GPHN: variants seen among roughly 807,000 people sequenced by gnomAD.
GPHN encodes the protein gephyrin.
Under a neutral mutation model 95.5 loss-of-function variants are expected in GPHN, and 17 were observed. That is an observed-to-expected ratio of 0.18 (90% CI 0.12 to 0.27). The LOEUF (loss-of-function observed/expected upper bound fraction) is 0.27. Among genes scored for constraint, GPHN ranks in the 10% least tolerant of loss-of-function variants. GPHN has a pLI of 1.00. For synonymous variants in GPHN, 320 were observed against 322.5 expected (o/e 0.99, Z 0.08); for missense variants, 660 against 978.1 (o/e 0.67, Z 4.34).
At chr14:66,850,528 A>G (rs1307082614) in intron 4 of GPHN, among the ~76,000 whole-genome samples, 3 of 152,112 alleles carry the variant, frequency 2.0e-5, no homozygotes, top group Admixed American at 6.6e-5. Flanking sequence ...CATGGAAACT[A>G]TATGTATAAA....
At chr14:66,909,824 A>G (rs1268443699) in intron 5 of GPHN, among the ~76,000 whole-genome samples, 2 of 151,996 alleles carry the variant, frequency 1.3e-5, no homozygotes, top group African/African-American at 4.8e-5. Context: ...TCCCATGATT[A>G]CTACATGGGA....
the GPHN span, among the ~76,000 whole-genome samples, chr14:67,700,714 CAAA>C: frequency 3.0e-5 from 3 of 101,100 alleles, no homozygotes; most frequent in Non-Finnish European, 6.0e-5. Context: ...GACTCCATCT[CAAA>C]AAAAAAAAAA....
intron 11 of GPHN, among the ~76,000 whole-genome samples, chr14:67,060,202 T>TAA (rs144651116): frequency 8.8e-5 from 12 of 136,092 alleles, no homozygotes; most frequent in Middle Eastern, 3.7e-3. Flanking sequence ...CATTCTAATT[T>TAA]AAAAAAAAAA....
chr14:66,737,439 C>T (rs2072395681), intron 2 of GPHN, among the ~76,000 whole-genome samples: 2 of 151,532 alleles, frequency 1.3e-5, no homozygotes, highest in African/African-American at 4.8e-5. Flanking sequence ...GCCCCTTTTT[C>T]TTTTTTTTTC....
the GPHN span, among the ~76,000 whole-genome samples, chr14:67,629,505 T>C: frequency 6.6e-6 from 1 of 152,176 alleles, no homozygotes; most frequent in Non-Finnish European, 1.5e-5. Flanking sequence ...CAAAGTGGAA[T>C]ATCAGTTACT....
chr14:66,897,881 T>C (rs76821044), intron 5 of GPHN, among the ~76,000 whole-genome samples: 1,829 of 152,200 alleles, frequency 0.012, 19 homozygotes, highest in Non-Finnish European at 0.018. Context: ...CATTTTACAA[T>C]CACACCAACA....
At chr14:67,180,648 G>A (rs2083277983) in intron 22 of GPHN, among the ~76,000 whole-genome samples, 156 bp from the exon 23 acceptor site, 1 of 152,110 alleles carries the variant, frequency 6.6e-6, no homozygotes, top group Non-Finnish European at 1.5e-5. Flanking sequence ...GGATATAATA[G>A]CATGGCCACC....
intron 16 of GPHN, among the ~76,000 whole-genome samples, chr14:67,121,790 T>C (rs920960755): frequency 6.6e-6 from 1 of 152,202 alleles, no homozygotes; most frequent in Non-Finnish European, 1.5e-5. Flanking sequence ...TTTGATACTG[T>C]TGACCCCACT....
chr14:67,646,067 G>A, the GPHN span, among the ~76,000 whole-genome samples: 1 of 152,172 alleles, frequency 6.6e-6, no homozygotes, highest in Non-Finnish European at 1.5e-5. Context: ...CTTGGTTAGA[G>A]GCTCCCAGGC....
chr14:67,620,993 G>C, the GPHN span: 7 of 1,605,374 alleles, frequency 4.4e-6, no homozygotes, highest in Admixed American at 1.2e-4. Flanking sequence ...TTAGATATTA[G>C]TGCAGGACTA....
chr14:67,640,879 G>A, the GPHN span, among the ~76,000 whole-genome samples: 1 of 152,182 alleles, frequency 6.6e-6, no homozygotes, highest in South Asian at 2.1e-4. Flanking sequence ...AAGGATAGAG[G>A]TTGAGCGTCC....
At chr14:66,956,747 A>C (rs2153582121) in intron 8 of GPHN, among the ~76,000 whole-genome samples, 1 of 152,228 alleles carries the variant, frequency 6.6e-6, no homozygotes, top group Non-Finnish European at 1.5e-5. Flanking sequence ...TTTTTTAGAA[A>C]ATGTGGCACA....
the GPHN span, chr14:67,600,403 GAAAAAA>G: frequency 1.9e-6 from 1 of 536,752 alleles, no homozygotes; most frequent in East Asian, 3.4e-5. Context: ...GACTGTCTTC[GAAAAAA>G]CCTCGTCGGG....
intron 8 of GPHN, among the ~76,000 whole-genome samples, chr14:66,959,015 G>A (rs1475811036): frequency 6.6e-6 from 1 of 151,880 alleles, no homozygotes; most frequent in Non-Finnish European, 1.5e-5. Context: ...TGGTTTCCCT[G>A]GGAATTACAA....
intron 8 of GPHN, among the ~76,000 whole-genome samples, chr14:66,949,987 G>C (rs1156733472): frequency 8.9e-6 from 1 of 112,558 alleles, no homozygotes; most frequent in East Asian, 2.4e-4. Context: ...ATTAGCTTTA[G>C]GACAGGAAAA....
At chr14:67,634,360 A>T in the GPHN span, among the ~76,000 whole-genome samples, 1 of 151,558 alleles carries the variant, frequency 6.6e-6, no homozygotes, top group African/African-American at 2.4e-5. Context: ...TGGGAGGCCA[A>T]GGTGGATGGA....
intron 10 of GPHN, among the ~76,000 whole-genome samples, chr14:67,046,156 A>T (rs137963877): frequency 0.02 from 3,016 of 151,834 alleles, 38 homozygotes; most frequent in Middle Eastern, 0.034. Context: ...ATTTTATTAA[A>T]TAGATTAAAA....
the GPHN span, chr14:67,587,402 A>G: frequency 5.7e-5 from 42 of 739,488 alleles, no homozygotes; most frequent in Middle Eastern, 2.5e-4. Context: ...GGTGCCTTAT[A>G]ATGTTTCAGG....
the GPHN span, among the ~76,000 whole-genome samples, chr14:67,404,854 TTTCTTG>T: frequency 1.3e-5 from 2 of 151,982 alleles, no homozygotes; most frequent in South Asian, 4.2e-4. Flanking sequence ...TACTTATGTA[TTTCTTG>T]TAGTTTAGAA....
Sources: allele counts gnomAD v4.1 joint callset (sites outside exome capture counted in the v4.1 genomes callset), GRCh38; gene constraint gnomAD v4.1.1; transcripts MANE v1.5; gene names NCBI Gene and HGNC (gene_info 2026-07-23, HGNC 2026-07-21).